Variants in MAEA observed in about 807,000 individuals in gnomAD.
MAEA encodes the protein macrophage erythroblast attacher, E3 ubiquitin ligase, also known as E3 ubiquitin-protein transferase MAEA.
In MAEA, 22 loss-of-function variants were observed where a neutral mutation model predicts 46.2. That is an observed-to-expected ratio of 0.48 (90% CI 0.34 to 0.68). The LOEUF is 0.68. Among genes scored for constraint, MAEA ranks in the 30% least tolerant of loss-of-function variants. The probability of loss-of-function intolerance (pLI) is 0.01; values close to 1 mark genes in which losing one functional copy is unlikely to be tolerated. For synonymous variants in MAEA, 246 were observed against 222.6 expected (o/e 1.11, Z -0.94); for missense variants, 393 against 558.1 (o/e 0.70, Z 2.98).
intron 1 of MAEA, among the ~76,000 whole-genome samples, chr4:1,309,003 C>G (rs571995764): frequency 8.4e-4 from 128 of 152,314 alleles, no homozygotes; most frequent in African/African-American, 3.0e-3. Flanking sequence ...GTGAGGTTGC[C>G]TGTCCTCATT....
intron 1 of MAEA, among the ~76,000 whole-genome samples, chr4:1,303,232 C>CAAAAA (rs71168823): frequency 3.3e-4 from 22 of 65,674 alleles, no homozygotes; most frequent in African/African-American, 7.8e-4. Context: ...ACTAAAAATA[C>CAAAAA]AAAAAAAAAA....
chr4:1,298,840 C>T (rs1261363739), intron 1 of MAEA, among the ~76,000 whole-genome samples: 1 of 152,050 alleles, frequency 6.6e-6, no homozygotes, highest in Non-Finnish European at 1.5e-5. Context: ...GTAAAACATA[C>T]CCACTTGGCA....
rs371648843 is a variant in MAEA, at chr4:1,316,001, A to T, written c.456+401A>T. Among the ~76,000 whole-genome samples, 92 of 149,570 alleles carry T rather than the reference A, an allele frequency of 6.2e-4. 3 individuals carry two copies. In the South Asian group the frequency reaches 0.015, roughly 24 times the overall value. On this transcript the variant is annotated intron_variant, in intron 3 of 8. Coordinates refer to ENST00000303400, the MANE Select transcript of MAEA (RefSeq NM_001017405.3). Reference sequence around the variant, plus strand: ...AACGCACCTGGGACTTAGCCTTCTGAAGGCAGGAAGTCAGTGTCTAAGCGG... The same window carrying T: ...AACGCACCTGGGACTTAGCCTTCTGTAGGCAGGAAGTCAGTGTCTAAGCGG...
At chr4:1,339,017 A>T in intron 8 of MAEA, 57 bp from the exon 9 acceptor site, 1 of 1,358,560 alleles carries the variant, frequency 7.4e-7, no homozygotes. Flanking sequence ...TTTCCATGGA[A>T]ATCCGTGTGT....
intron 1 of MAEA, among the ~76,000 whole-genome samples, chr4:1,294,644 C>T (rs1734444729): frequency 2.0e-5 from 3 of 151,388 alleles, no homozygotes; most frequent in Admixed American, 2.0e-4. Context: ...AGGCCCTGCA[C>T]AGTCAGGCCC....
At chr4:1,309,599 G>A in intron 1 of MAEA, 1 of 1,510,770 alleles carries the variant, frequency 6.6e-7, no homozygotes, top group Non-Finnish European at 8.8e-7. Flanking sequence ...CAGGGAGGTG[G>A]GAGGAGCGTG....
In MAEA at chr4:1,339,085, T is replaced by C; in HGVS notation, c.1107T>C (p.Ser369=). Residue 369 remains serine (S), a synonymous_variant, in exon 9 of 9, where the codon TCT becomes TCC. Transcript: ENST00000303400. The part of the protein sequence containing the change: ...GYVYGYNSLL[S]IRQDDKVVCP... ...GTTTTATTTTTCAGTCTCTGCTTTC[T>C]ATCCGTCAAGATGATAAAGTCGTGT... 6.2e-7 allele frequency: 1 copy of C among 1,613,832 alleles called. No individual in the cohort carries two copies. Among genetic ancestry groups the C allele is most frequent in the Middle Eastern group, 1.6e-4 (1 of 6,062 alleles).
intron 7 of MAEA, chr4:1,337,498 G>A: frequency 1.0e-5 from 2 of 192,208 alleles, no homozygotes; most frequent in South Asian, 1.3e-4. Flanking sequence ...CTCGGCTCCC[G>A]CCTGCAACGG....
chr4:1,297,593 T>G (rs993493579), intron 1 of MAEA, among the ~76,000 whole-genome samples: 2 of 152,182 alleles, frequency 1.3e-5, no homozygotes, highest in Admixed American at 6.5e-5. Flanking sequence ...TTTGCAGCAC[T>G]CGTCACAGTC....
intron 1 of MAEA, chr4:1,299,668 C>T (rs1735124184): frequency 6.6e-6 from 1 of 152,550 alleles, no homozygotes; most frequent in East Asian, 1.9e-4. Context: ...TTTACTGCCA[C>T]CTTCCTCTGT....
At chr4:1,321,307 TATC>T (rs1193238809) in intron 3 of MAEA, among the ~76,000 whole-genome samples, 6 of 145,712 alleles carry the variant, frequency 4.1e-5, no homozygotes, top group Admixed American at 6.8e-5. Context: ...TTAAAAAAGA[TATC>T]ATCAAAGCAA....
At chr4:1,295,720 G>GCGC (rs1734586550) in intron 1 of MAEA, among the ~76,000 whole-genome samples, 1 of 54,040 alleles carries the variant, frequency 1.9e-5, no homozygotes, top group African/African-American at 1.2e-4. Flanking sequence ...CCCCTCACCC[G>GCGC]CTCCTGTACC....
At chr4:1,337,316 G>A (rs902666653) in intron 7 of MAEA, 48 of 279,038 alleles carry the variant, frequency 1.7e-4, no homozygotes, top group South Asian at 5.6e-4. Context: ...TAGTTTTCCC[G>A]TGTGATTACC....
rs1344709257 is a variant in MAEA, at chr4:1,322,491, C to T, written c.567C>T (p.Leu189=). The T allele has an allele frequency of 6.2e-7, 1 of 1,613,736 alleles. No homozygotes were observed. The highest frequency in any genetic ancestry group is 8.5e-7 in the Non-Finnish European group (1 of 1,179,968). The change falls in exon 4 of 9, where the codon CTC becomes CTT. Residue 189 remains leucine (L), a synonymous_variant. Transcript: ENST00000303400. ...GGTGCCATGACAACAAGTCCCGGCT[C>T]CGGAAGATGAAGGTGCACGGACTCC... ...LAWCHDNKSR[L]RKMKSCLEFS...
chr4:1,327,738 G>A (rs1739027322), intron 5 of MAEA, 35 bp downstream of exon 5: 2 of 1,592,218 alleles, frequency 1.3e-6, no homozygotes, highest in Non-Finnish European at 1.7e-6. Context: ...CTCGAGGGAG[G>A]GCAGGATGTT....
At chr4:1,323,129 T>C (rs1460066260) in intron 4 of MAEA, among the ~76,000 whole-genome samples, 1 of 151,918 alleles carries the variant, frequency 6.6e-6, no homozygotes, top group African/African-American at 2.4e-5. Flanking sequence ...GTATTTTTAG[T>C]AGACATGGGA....
rs1333956632 is a variant in MAEA at position 1,311,171 on chromosome 4, C to T, written c.70-808C>T. ...CACTGCTCTTGGGCGGCAGCACGGC[C>T]GTGTTGCTGATGCGCTGTGTGGTGA... is the stretch of plus-strand genomic sequence containing the variant. On this transcript the variant is annotated intron_variant, in intron 1 of 8. Coordinates refer to ENST00000303400, the MANE Select transcript of MAEA (RefSeq NM_001017405.3). This position sits in a 1 kb window ranked among gnomAD's most constrained non-coding sequence, Gnocchi z 4.4. 2.0e-5 allele frequency among the ~76,000 whole-genome samples: 3 copies of T among 152,212 alleles called. No individual in the cohort carries two copies. The highest frequency in any genetic ancestry group is 6.5e-5 in the Admixed American group (1 of 15,292).
chr4:1,325,151 C>G (rs1490720324), intron 4 of MAEA, among the ~76,000 whole-genome samples: 1 of 152,188 alleles, frequency 6.6e-6, no homozygotes, highest in African/African-American at 2.4e-5. Context: ...AGGAGCCAGA[C>G]TGTGCTCTAA....
In MAEA at chr4:1,289,895, A is replaced by C. The variant is rs371622498; in HGVS notation, c.-19A>C. ...GCGCTCGCGCGTCCCCCGCCCGCTA[A>C]TGTTTTGGCCGCTTCAAGATGGCGG... On this transcript the variant is annotated 5_prime_UTR_variant, in exon 1 of 9. The change abolishes an upstream ATG in the 5' untranslated region. Coordinates refer to ENST00000303400, the MANE Select transcript of MAEA (RefSeq NM_001017405.3). The C allele has an allele frequency of 9.1e-5, 145 of 1,589,184 alleles. No individual in the cohort carries two copies. Among genetic ancestry groups the C allele is most frequent in the Non-Finnish European group, 1.2e-4 (142 of 1,166,810 alleles).
Sources: allele counts gnomAD v4.1 joint callset (sites outside exome capture counted in the v4.1 genomes callset), GRCh38; gene constraint gnomAD v4.1.1; non-coding constraint Gnocchi (gnomAD v3.1); transcripts MANE v1.5; gene names NCBI Gene and HGNC (gene_info 2026-07-23, HGNC 2026-07-21).